Variants in C12orf42 observed in about 807,000 individuals in gnomAD.
C12orf42 encodes chromosome 12 open reading frame 42, also known as uncharacterized protein C12orf42.
A neutral mutation model predicts 21.6 loss-of-function variants in C12orf42; 25 were observed. The ratio of observed to expected loss-of-function variants is 1.16; its 90% CI spans 0.84 to 1.62. The LOEUF (loss-of-function observed/expected upper bound fraction) is 1.62, where lower values mean the gene tolerates loss of function less well. Ranked by LOEUF, C12orf42 falls within the 40% of genes most tolerant of loss-of-function variation. C12orf42 has a pLI of 0.00. For synonymous variants in C12orf42, 174 were observed against 175.0 expected (o/e 0.99, Z 0.05); for missense variants, 483 against 459.3 (o/e 1.05, Z -0.47).
chr12:103,551,441 TA>T, the C12orf42 span, among the ~76,000 whole-genome samples: 2 of 152,160 alleles, frequency 1.3e-5, no homozygotes. Flanking sequence ...TGCTTGAGGC[TA>T]GGAGTTCGAG....
the C12orf42 span, among the ~76,000 whole-genome samples, chr12:103,223,643 T>C: frequency 6.6e-6 from 1 of 152,094 alleles, no homozygotes; most frequent in Admixed American, 6.5e-5. Flanking sequence ...TTATGAGTAG[T>C]TGAGAATGGT....
intron 3 of C12orf42, among the ~76,000 whole-genome samples, chr12:103,389,985 A>G (rs956132864): frequency 1.3e-5 from 2 of 152,038 alleles, no homozygotes; most frequent in African/African-American, 4.8e-5. Flanking sequence ...GAATATCTTA[A>G]TTTCACTTCT....
chr12:103,389,884 G>T (rs1593764828), intron 3 of C12orf42, among the ~76,000 whole-genome samples: 1 of 152,150 alleles, frequency 6.6e-6, no homozygotes, highest in East Asian at 1.9e-4. Context: ...TCTCTCTGGG[G>T]CCATTGTGCT....
At chr12:103,391,110 T>C (rs11111547) in intron 3 of C12orf42, among the ~76,000 whole-genome samples, 25,407 of 152,132 alleles carry the variant, frequency 0.17, 2,367 homozygotes, top group African/African-American at 0.26. Context: ...CCATGGTTCA[T>C]CCACATTGTA....
intron 2 of C12orf42, among the ~76,000 whole-genome samples, chr12:103,449,081 T>TGATAGATAGATAGATA (rs56702467): frequency 1.2e-4 from 18 of 146,484 alleles, no homozygotes; most frequent in East Asian, 4.0e-4. Context: ...AAAGAAAATA[T>TGATAGATAGATAGATA]GATAGATAGA....
chr12:103,228,184 C>T, the C12orf42 span, among the ~76,000 whole-genome samples: 18 of 152,142 alleles, frequency 1.2e-4, no homozygotes, highest in South Asian at 8.3e-4. Flanking sequence ...TGGGTGCAGG[C>T]GGGCTGAGTC....
chr12:103,347,055 C>T (rs1321579143), intron 4 of C12orf42, among the ~76,000 whole-genome samples: 1 of 152,074 alleles, frequency 6.6e-6, no homozygotes, highest in East Asian at 1.9e-4. Flanking sequence ...TTTGTAATTA[C>T]CACTTTTTTA....
the C12orf42 span, among the ~76,000 whole-genome samples, chr12:103,076,289 CT>C: frequency 7.3e-3 from 1,028 of 140,168 alleles, 7 homozygotes; most frequent in Admixed American, 0.031. Flanking sequence ...TTACCCAAGC[CT>C]TTTTTTTTTT....
At chr12:103,295,290 T>C (rs7309069) in intron 4 of C12orf42, among the ~76,000 whole-genome samples, 2,696 of 152,250 alleles carry the variant, frequency 0.018, 103 homozygotes, top group African/African-American at 0.061. Flanking sequence ...GAGTCTTTTA[T>C]AGAGAGCCGA....
chr12:103,129,987 C>T, the C12orf42 span, among the ~76,000 whole-genome samples: 2 of 152,146 alleles, frequency 1.3e-5, no homozygotes, highest in East Asian at 3.9e-4. Context: ...TACCAACTAG[C>T]TAGAATCCTG....
intron 4 of C12orf42, among the ~76,000 whole-genome samples, chr12:103,319,479 T>C (rs959271411): frequency 6.6e-6 from 1 of 152,226 alleles, no homozygotes; most frequent in African/African-American, 2.4e-5. Flanking sequence ...TCAACTTGTA[T>C]GAACAAGAAT....
At chr12:103,417,456 C>A (rs1353606588) in intron 2 of C12orf42, among the ~76,000 whole-genome samples, 1 of 152,142 alleles carries the variant, frequency 6.6e-6, no homozygotes, top group Non-Finnish European at 1.5e-5. Flanking sequence ...CTCCTTTATC[C>A]AAACCATCTT....
At chr12:103,543,292 T>C in the C12orf42 span, among the ~76,000 whole-genome samples, 2 of 152,154 alleles carry the variant, frequency 1.3e-5, no homozygotes, top group Non-Finnish European at 2.9e-5. Context: ...CATGACTATT[T>C]ATTCTCTTCT....
At chr12:103,400,773 C>T (rs901373369) in intron 3 of C12orf42, among the ~76,000 whole-genome samples, 6 of 152,104 alleles carry the variant, frequency 3.9e-5, no homozygotes, top group African/African-American at 1.2e-4. Context: ...ATCCTGCTCA[C>T]GAATTTTGAA....
the C12orf42 span, among the ~76,000 whole-genome samples, chr12:103,164,057 G>A: frequency 6.6e-6 from 1 of 152,158 alleles, no homozygotes; most frequent in South Asian, 2.1e-4. Flanking sequence ...ATTATTATAA[G>A]CCCAGTGTTG....
the C12orf42 span, among the ~76,000 whole-genome samples, chr12:103,222,509 G>T: frequency 6.6e-6 from 1 of 152,148 alleles, no homozygotes; most frequent in Non-Finnish European, 1.5e-5. Flanking sequence ...GGCCATCTGG[G>T]CATACACGTG....
intron 2 of C12orf42, among the ~76,000 whole-genome samples, chr12:103,413,598 G>A (rs184403970): frequency 2.7e-4 from 41 of 152,100 alleles, no homozygotes; most frequent in Admixed American, 1.2e-3. Context: ...AGTGTGCACC[G>A]TACTCAGTGT....
chr12:103,518,983 G>A, the C12orf42 span, among the ~76,000 whole-genome samples: 2 of 152,070 alleles, frequency 1.3e-5, no homozygotes, highest in African/African-American at 2.4e-5. Flanking sequence ...TGTAATCCCC[G>A]TAACCCCCCA....
At chr12:103,223,314 G>A in the C12orf42 span, among the ~76,000 whole-genome samples, 2 of 152,034 alleles carry the variant, frequency 1.3e-5, no homozygotes, top group Non-Finnish European at 2.9e-5. Context: ...TTGTGGTAAG[G>A]GGTGATATTG....
Sources: allele counts gnomAD v4.1 joint callset (sites outside exome capture counted in the v4.1 genomes callset), GRCh38; gene constraint gnomAD v4.1.1; transcripts MANE v1.5; gene names NCBI Gene and HGNC (gene_info 2026-07-23, HGNC 2026-07-21).